The following AMPH variants were observed in gnomAD, a reference collection of about 807,000 sequenced individuals.
AMPH encodes the protein amphiphysin (Stiff-Mann syndrome with breast cancer 128kD autoantigen).
AMPH carries 49 observed loss-of-function variants against 99.1 expected under a neutral mutation model. That is an observed-to-expected ratio of 0.49 (90% CI 0.39 to 0.63). AMPH has a LOEUF of 0.63. Among genes scored for constraint, AMPH ranks in the 20% least tolerant of loss-of-function variants. The pLI is 0.00. For missense variants in AMPH, 759 were observed against 863.4 expected, an observed-to-expected ratio of 0.88 and a Z score of 1.52; for synonymous variants, 314 against 317.3, an observed-to-expected ratio of 0.99 and a Z score of 0.11.
chr7:38,578,817 T>G (rs1326955680), intron 1 of AMPH, among the ~76,000 whole-genome samples: 1 of 152,142 alleles, frequency 6.6e-6, no homozygotes, highest in Non-Finnish European at 1.5e-5. Context: ...ACTCATCACA[T>G]GTCAATATAA....
intron 3 of AMPH, among the ~76,000 whole-genome samples, chr7:38,501,433 C>G (rs1163224917): frequency 6.6e-6 from 1 of 152,146 alleles, no homozygotes; most frequent in African/African-American, 2.4e-5. Flanking sequence ...GATCCACTCG[C>G]CTCAGCCTCC....
chr7:38,512,015 A>T (rs1235324435), intron 2 of AMPH, among the ~76,000 whole-genome samples: 2 of 152,312 alleles, frequency 1.3e-5, no homozygotes, highest in East Asian at 3.9e-4. Context: ...AAGAATCTGT[A>T]TTTTAAAAAG....
At chr7:38,517,831 C>A (rs917790014) in intron 2 of AMPH, among the ~76,000 whole-genome samples, 1 of 152,200 alleles carries the variant, frequency 6.6e-6, no homozygotes. Flanking sequence ...GCCACGTGAT[C>A]CTTTGTTAAA....
intron 17 of AMPH, among the ~76,000 whole-genome samples, chr7:38,409,162 C>T (rs369329113): frequency 3.9e-5 from 6 of 152,310 alleles, no homozygotes; most frequent in African/African-American, 9.6e-5. Context: ...GCTGTGTAAA[C>T]TCATGGGGAA....
chr7:38,558,222 A>G (rs1791433094), intron 1 of AMPH, among the ~76,000 whole-genome samples: 1 of 152,204 alleles, frequency 6.6e-6, no homozygotes, highest in South Asian at 2.1e-4. Context: ...TCTAATCAAG[A>G]GCACATAACA....
At chr7:38,429,700 A>C in intron 14 of AMPH, 142 bp downstream of exon 14, 1 of 1,272,336 alleles carries the variant, frequency 7.9e-7, no homozygotes. Context: ...ACCAAACTGG[A>C]AAGTGATTAC....
At chr7:38,474,436 T>G (rs1788009448) in intron 7 of AMPH, among the ~76,000 whole-genome samples, 1 of 151,976 alleles carries the variant, frequency 6.6e-6, no homozygotes, top group Non-Finnish European at 1.5e-5. Context: ...AAACACAGAG[T>G]GCCTTTTATT....
chr7:38,566,408 T>A (rs1584252498), intron 1 of AMPH, among the ~76,000 whole-genome samples: 1 of 152,004 alleles, frequency 6.6e-6, no homozygotes, highest in African/African-American at 2.4e-5. Flanking sequence ...AGTCATTAGT[T>A]ATTAAAATAT....
chr7:38,490,102 A>C (rs1788665621), intron 5 of AMPH, among the ~76,000 whole-genome samples: 2 of 152,188 alleles, frequency 1.3e-5, no homozygotes, highest in African/African-American at 2.4e-5. Context: ...GTGACTAATC[A>C]AAATTATCTG....
At chr7:38,474,098 G>A (rs904604059) in intron 7 of AMPH, among the ~76,000 whole-genome samples, 3 of 152,016 alleles carry the variant, frequency 2.0e-5, no homozygotes, top group Non-Finnish European at 2.9e-5. Context: ...GAGGGTTAGG[G>A]TGGGGACAGT....
chr7:38,618,371 G>A (rs529539430), intron 1 of AMPH, among the ~76,000 whole-genome samples: 20 of 151,624 alleles, frequency 1.3e-4, no homozygotes, highest in Admixed American at 3.9e-4. Flanking sequence ...AATTAGCCAC[G>A]CGTGGTGGCA....
At chr7:38,627,654 CAAAAAAAAAAA>C (rs34354956) in intron 1 of AMPH, among the ~76,000 whole-genome samples, 1 of 97,034 alleles carries the variant, frequency 1.0e-5, no homozygotes, top group Non-Finnish European at 1.9e-5. Flanking sequence ...GACTCTGTCT[CAAAAAAAAAAA>C]AAAAAAAGCT....
At chr7:38,427,041 G>C in intron 14 of AMPH, 55 bp from the exon 15 acceptor site, 1 of 1,497,714 alleles carries the variant, frequency 6.7e-7, no homozygotes. Context: ...CATTTTGTAG[G>C]ACCAGTAAAT....
At chr7:38,441,924 A>G (rs964931209) in intron 11 of AMPH, among the ~76,000 whole-genome samples, 2 of 145,300 alleles carry the variant, frequency 1.4e-5, no homozygotes, top group Non-Finnish European at 3.0e-5. Context: ...CTATGCAGCC[A>G]TAAAAAGAAT....
At chr7:38,565,588 T>A (rs1791709627) in intron 1 of AMPH, among the ~76,000 whole-genome samples, 1 of 152,114 alleles carries the variant, frequency 6.6e-6, no homozygotes, top group Non-Finnish European at 1.5e-5. Context: ...CCTAATGACC[T>A]CATTTTAACT....
intron 1 of AMPH, among the ~76,000 whole-genome samples, chr7:38,595,799 T>C (rs1318105780): frequency 6.6e-6 from 1 of 152,186 alleles, no homozygotes; most frequent in Non-Finnish European, 1.5e-5. Flanking sequence ...CTCCCACTTA[T>C]ATGTGAGAAC....
At chr7:38,613,300 G>A (rs1189294442) in intron 1 of AMPH, among the ~76,000 whole-genome samples, 1 of 150,614 alleles carries the variant, frequency 6.6e-6, no homozygotes, top group Admixed American at 6.7e-5. Flanking sequence ...ACTCCAAATA[G>A]TCCCCTTATA....
intron 1 of AMPH, among the ~76,000 whole-genome samples, chr7:38,629,913 TA>T (rs907596662): frequency 3.3e-5 from 5 of 152,036 alleles, no homozygotes; most frequent in Admixed American, 3.3e-4. Flanking sequence ...GGGTAGATAT[TA>T]AAAGAAATAC....
rs541004254 is a variant in AMPH, at chr7:38,501,802, T to TA, written c.205+1847dup. On this transcript the variant is annotated intron_variant, in intron 3 of 20. Coordinates refer to ENST00000356264, the MANE Select transcript of AMPH (RefSeq NM_001635.4). ...ATAAATAAATAAATAAATAAATAAA[T>TA]AAAAGATTTTACCAAATGCTCTCCA... is the stretch of plus-strand genomic sequence containing the variant. Among the ~76,000 whole-genome samples, 344 of 149,886 alleles carry TA rather than the reference T, an allele frequency of 2.3e-3. 1 individual carries two copies. The highest frequency in any genetic ancestry group is 8.3e-3 in the African/African-American group (336 of 40,300).
Sources: allele counts gnomAD v4.1 joint callset (sites outside exome capture counted in the v4.1 genomes callset), GRCh38; gene constraint gnomAD v4.1.1; transcripts MANE v1.5; gene names NCBI Gene and HGNC (gene_info 2026-07-23, HGNC 2026-07-21).